VPS54: variants seen among roughly 807,000 people sequenced by gnomAD.
The protein encoded by VPS54 is vacuolar protein sorting-associated protein 54.
A neutral mutation model predicts 121.5 loss-of-function variants in VPS54; 45 were observed. The observed-to-expected ratio is 0.37, with a 90% CI of 0.29 to 0.47. The LOEUF (loss-of-function observed/expected upper bound fraction) is 0.47. VPS54 is among the 20% of genes least tolerant of loss of function. VPS54 has a pLI of 0.99. For missense variants in VPS54, 1,090 were observed against 1,131.4 expected, an observed-to-expected ratio of 0.96 and a Z score of 0.52; for synonymous variants, 371 against 385.8, an observed-to-expected ratio of 0.96 and a Z score of 0.45.
intron 7 of VPS54, among the ~76,000 whole-genome samples, chr2:63,960,050 A>G (rs1000731871): frequency 7.2e-5 from 11 of 151,730 alleles, no homozygotes; most frequent in African/African-American, 2.7e-4. Context: ...AATAAAAATT[A>G]GCTGGGCATG....
chr2:63,982,918 G>A (rs762934674), intron 2 of VPS54, among the ~76,000 whole-genome samples: 5 of 152,162 alleles, frequency 3.3e-5, no homozygotes, highest in Non-Finnish European at 7.3e-5. Flanking sequence ...CTCTGCACAT[G>A]ACTGCAAATT....
At chr2:63,968,863 C>CAA (rs34977697) in intron 5 of VPS54, 94 bp downstream of exon 5, 9,185 of 909,776 alleles carry the variant, frequency 0.01, 6 homozygotes, top group African/African-American at 0.017. Flanking sequence ...GCCAAAGGGT[C>CAA]AAAAAAAAAA....
chr2:63,996,718 G>T (rs7568914), intron 1 of VPS54, among the ~76,000 whole-genome samples: 15,243 of 152,184 alleles, frequency 0.1, 1,338 homozygotes, highest in African/African-American at 0.24. Context: ...GCCGCTCTGG[G>T]AGTGTCTGCC....
chr2:64,013,706 T>C lies in VPS54; in HGVS notation c.-21+5232A>G, dbSNP rs142647747. On this transcript the variant is annotated intron_variant, in intron 1 of 22. Transcript: ENST00000272322. Reference sequence around the variant, plus strand: ...GATATATATCACATATATAGAGATATATATATCATATAGAGAGATATATAT... The same window carrying C: ...GATATATATCACATATATAGAGATACATATATCATATAGAGAGATATATAT... Among the ~76,000 whole-genome samples, 794 of 146,906 alleles carry C rather than the reference T, an allele frequency of 5.4e-3. 1 individual carries two copies. Among genetic ancestry groups the C allele is most frequent in the Non-Finnish European group, 9.5e-3 (638 of 67,084 alleles).
intron 15 of VPS54, among the ~76,000 whole-genome samples, chr2:63,919,631 C>A (rs1260108340): frequency 2.0e-5 from 3 of 152,074 alleles, no homozygotes; most frequent in African/African-American, 7.2e-5. Context: ...TATCACAGAT[C>A]GTTGTGAGAA....
At chr2:63,903,099 G>GAA (rs1672758422) in intron 20 of VPS54, among the ~76,000 whole-genome samples, 1 of 151,986 alleles carries the variant, frequency 6.6e-6, no homozygotes, top group African/African-American at 2.4e-5. Context: ...TATAAAAAAG[G>GAA]AAACACACAA....
chr2:63,998,651 T>A (rs564565114), intron 1 of VPS54, among the ~76,000 whole-genome samples: 2 of 152,186 alleles, frequency 1.3e-5, no homozygotes, highest in African/African-American at 4.8e-5. Context: ...CAATTAACAC[T>A]GCTTGTATAA....
At chr2:63,911,121 A>G (rs1203625846) in intron 20 of VPS54, among the ~76,000 whole-genome samples, 2 of 152,226 alleles carry the variant, frequency 1.3e-5, no homozygotes, top group East Asian at 3.8e-4. Context: ...TCTTGAGAGC[A>G]GACACAATAT....
chr2:63,958,143 C>T (rs1675587038), intron 7 of VPS54, among the ~76,000 whole-genome samples: 1 of 152,080 alleles, frequency 6.6e-6, no homozygotes, highest in Non-Finnish European at 1.5e-5. Flanking sequence ...TTGTCCAAGA[C>T]ATTTAAATTC....
At chr2:63,944,897 G>A (rs1025744241) in intron 9 of VPS54, among the ~76,000 whole-genome samples, 24 of 152,148 alleles carry the variant, frequency 1.6e-4, no homozygotes, top group Non-Finnish European at 4.4e-5. Context: ...ACAGGTGCTG[G>A]CAAGGTTGTA....
rs202225241 is a variant in VPS54, at chr2:63,972,149, A to G, written c.457+17T>C. On this transcript the variant is annotated intron_variant, in intron 4 of 22. Transcript: ENST00000272322. The stretch of plus-strand genomic sequence containing the variant: ...TTATGCTATGCTTTATTATCTATAA[A>G]TAACACATATTCATACCATGAGTAT... 1,326 of 1,483,222 alleles carry G rather than the reference A, an allele frequency of 8.9e-4. 2 individuals are homozygous for G. Among genetic ancestry groups the G allele is most frequent in the Middle Eastern group, 7.4e-3 (37 of 4,974 alleles). The allele number at this position is 1,483,222 out of a possible 1,614,324, so 91.9% of individuals were successfully genotyped here.
At chr2:64,014,180 A>G (rs1678575920) in intron 1 of VPS54, among the ~76,000 whole-genome samples, 1 of 152,220 alleles carries the variant, frequency 6.6e-6, no homozygotes. Context: ...AAGAATAATT[A>G]CCTTCAGATA....
At chr2:63,907,503 A>C (rs1164910122) in intron 20 of VPS54, among the ~76,000 whole-genome samples, 3 of 149,246 alleles carry the variant, frequency 2.0e-5, no homozygotes, top group Non-Finnish European at 4.5e-5. Flanking sequence ...GGGCAACAAG[A>C]GAGAAACTCC....
In VPS54 at chr2:63,932,799, C is replaced by T. The variant is rs550450361; in HGVS notation, c.1739+874G>A. Among the ~76,000 whole-genome samples the T allele has an allele frequency of 2.8e-3, 424 of 151,852 alleles. 1 individual carries two copies. The highest frequency in any genetic ancestry group is 9.7e-3 in the African/African-American group (402 of 41,420). On this transcript the variant is annotated intron_variant, in intron 12 of 22. Transcript: ENST00000272322. ...TTTATTGGTTCTATTTTTTTGATAA[C>T]GGAGATTACTGGGTCAATTGGTAAA...
chr2:63,909,892 T>A (rs1002448233), intron 20 of VPS54, among the ~76,000 whole-genome samples: 5 of 150,790 alleles, frequency 3.3e-5, no homozygotes, highest in African/African-American at 1.2e-4. Flanking sequence ...GCCTGGCTAA[T>A]TTTTTTGTAT....
At chr2:64,018,747 GA>G (rs35913134) in intron 1 of VPS54, among the ~76,000 whole-genome samples, 190 bp downstream of exon 1, 79,984 of 116,444 alleles carry the variant, frequency 0.69, 26,837 homozygotes, top group Non-Finnish European at 0.74. Flanking sequence ...GAGTGAAAAG[GA>G]AAAAAAAAAA....
chr2:63,946,089 A>G (rs1434366471), intron 9 of VPS54, among the ~76,000 whole-genome samples: 1 of 152,080 alleles, frequency 6.6e-6, no homozygotes, highest in East Asian at 1.9e-4. Context: ...TGATTTTTAA[A>G]CCATAGAATA....
chr2:63,961,907 T>TA, intron 7 of VPS54, 151 bp downstream of exon 7: 1 of 847,444 alleles, frequency 1.2e-6, no homozygotes, highest in South Asian at 3.5e-5. Flanking sequence ...AATACTACAA[T>TA]ATCAGAATAA....
intron 7 of VPS54, among the ~76,000 whole-genome samples, chr2:63,955,267 T>TA (rs1048195467): frequency 6.6e-5 from 10 of 151,214 alleles, no homozygotes; most frequent in East Asian, 3.9e-4. Flanking sequence ...AGTATAAGTT[T>TA]AAAAAAAAAC....
Sources: allele counts gnomAD v4.1 joint callset (sites outside exome capture counted in the v4.1 genomes callset), GRCh38; gene constraint gnomAD v4.1.1; transcripts MANE v1.5; gene names NCBI Gene and HGNC (gene_info 2026-07-23, HGNC 2026-07-21).